The following CDK8 variants were observed in gnomAD, a reference collection of about 807,000 sequenced individuals.
CDK8 encodes cyclin-dependent kinase 8.
CDK8 carries 29 observed loss-of-function variants against 71.5 expected under a neutral mutation model. That is an observed-to-expected ratio of 0.41 (90% CI 0.30 to 0.55). The LOEUF (loss-of-function observed/expected upper bound fraction) is 0.55. CDK8 is among the 20% of genes least tolerant of loss of function. The pLI is 0.37. For synonymous variants in CDK8, 161 were observed against 192.1 expected, an observed-to-expected ratio of 0.84 and a Z score of 1.34; for missense variants, 288 against 572.6, an observed-to-expected ratio of 0.50 and a Z score of 5.07.
At chr13:26,259,600 G>T (rs1871682840) in intron 1 of CDK8, among the ~76,000 whole-genome samples, 1 of 152,130 alleles carries the variant, frequency 6.6e-6, no homozygotes, top group African/African-American at 2.4e-5. Context: ...TTATTTCCAT[G>T]TGGTTGAAGT....
chr13:26,402,264 A>C (rs116754064), intron 12 of CDK8, among the ~76,000 whole-genome samples: 5 of 152,334 alleles, frequency 3.3e-5, no homozygotes, highest in South Asian at 2.1e-4. Context: ...TGCAGGACTC[A>C]TATTTGATCT....
intron 1 of CDK8, among the ~76,000 whole-genome samples, chr13:26,286,927 A>G (rs971281680): frequency 1.3e-5 from 2 of 152,232 alleles, no homozygotes; most frequent in African/African-American, 2.4e-5. Flanking sequence ...TTATCAGGGA[A>G]ATGCAAATCA....
intron 1 of CDK8, among the ~76,000 whole-genome samples, chr13:26,270,260 G>C (rs1161472590): frequency 6.6e-6 from 1 of 151,808 alleles, no homozygotes; most frequent in Non-Finnish European, 1.5e-5. Context: ...GTGGTGGCAG[G>C]TGCCTGTAAT....
chr13:26,275,539 A>G (rs991214906), intron 1 of CDK8, among the ~76,000 whole-genome samples: 3 of 152,150 alleles, frequency 2.0e-5, no homozygotes, highest in Non-Finnish European at 4.4e-5. Flanking sequence ...TTTGTGACAT[A>G]TGAAAATTTT....
chr13:26,363,607 C>A (rs1038287637), intron 4 of CDK8, among the ~76,000 whole-genome samples: 12 of 152,062 alleles, frequency 7.9e-5, no homozygotes, highest in Non-Finnish European at 1.3e-4. Context: ...TGGGCTCAAG[C>A]AGTTCTTCTG....
At chr13:26,355,400 G>C (rs1714697706) in intron 4 of CDK8, among the ~76,000 whole-genome samples, 1 of 152,172 alleles carries the variant, frequency 6.6e-6, no homozygotes, top group Admixed American at 6.5e-5. Flanking sequence ...TGGATCACGA[G>C]GTCAGGAGTT....
chr13:26,311,183 A>T lies in CDK8; in HGVS notation c.129-26384A>T, dbSNP rs544213131. Among the ~76,000 whole-genome samples the T allele has an allele frequency of 5.3e-5, 8 of 152,198 alleles. No homozygotes were observed. The East Asian group carries it at 1.5e-3, about 29-fold the overall frequency. On this transcript the variant is annotated intron_variant, in intron 1 of 12. Coordinates refer to ENST00000381527, the MANE Select transcript of CDK8 (RefSeq NM_001260.3). ...ACTCACTGTATATTTTACTGAAAAA[A>T]AATGGGGCCACCTAGCAGTGATTTT...
chr13:26,379,828 A>T (rs866252004), intron 4 of CDK8, among the ~76,000 whole-genome samples: 14 of 152,110 alleles, frequency 9.2e-5, no homozygotes, highest in African/African-American at 3.4e-4. Context: ...TAAAGGAGGG[A>T]TGGGTGGTAA....
chr13:26,330,465 C>A (rs546054554), intron 1 of CDK8, among the ~76,000 whole-genome samples: 75 of 152,248 alleles, frequency 4.9e-4, no homozygotes, highest in African/African-American at 1.7e-3. Flanking sequence ...TTTCCCTCCC[C>A]AAGTGCTGGG....
chr13:26,399,090 A>G (rs1565999966), intron 9 of CDK8, among the ~76,000 whole-genome samples: 1 of 149,788 alleles, frequency 6.7e-6, no homozygotes, highest in Non-Finnish European at 1.5e-5. Flanking sequence ...GCTCACTGCA[A>G]CCTCTGCCTC....
intron 1 of CDK8, among the ~76,000 whole-genome samples, chr13:26,294,319 C>T (rs793113): frequency 0.83 from 126,268 of 152,120 alleles, 54,059 homozygotes; most frequent in East Asian, 0.99. Flanking sequence ...TTTCTTTATC[C>T]GTTCATCTGT....
At chr13:26,275,244 A>G (rs1490443302) in intron 1 of CDK8, among the ~76,000 whole-genome samples, 3 of 152,206 alleles carry the variant, frequency 2.0e-5, no homozygotes, top group South Asian at 4.1e-4. Context: ...TGAAAAATAA[A>G]TTACAGTTTT....
chr13:26,393,102 A>G (rs1045752494), intron 6 of CDK8, among the ~76,000 whole-genome samples: 3 of 152,140 alleles, frequency 2.0e-5, no homozygotes, highest in East Asian at 1.9e-4. Context: ...TTAGAGTGAA[A>G]CCATTTGGGT....
At chr13:26,270,808 C>G (rs928463648) in intron 1 of CDK8, among the ~76,000 whole-genome samples, 4 of 152,178 alleles carry the variant, frequency 2.6e-5, no homozygotes, top group African/African-American at 7.2e-5. Flanking sequence ...ATACAACTAT[C>G]TGAGTCTCTG....
chr13:26,404,617 GT>G lies in CDK8; in HGVS notation c.*540del, dbSNP rs1876426621. 8.7e-6 allele frequency: 2 copies of G among 231,098 alleles called. No homozygotes were observed. Among genetic ancestry groups the G allele is most frequent in the Middle Eastern group, 1.3e-3 (1 of 796 alleles). 14.3% of individuals were successfully genotyped at this position (231,098 alleles called of 1,614,324 possible). On this transcript the variant is annotated 3_prime_UTR_variant, in exon 13 of 13. Coordinates refer to ENST00000381527, the MANE Select transcript of CDK8 (RefSeq NM_001260.3). ...TGATTCATTTTCTACATTAATCAGT[GT>G]TTTCTGACCAAGAATATTGCTTGGA...
chr13:26,353,017 T>C (rs1873746679), intron 3 of CDK8, among the ~76,000 whole-genome samples: 1 of 152,246 alleles, frequency 6.6e-6, no homozygotes, highest in Non-Finnish European at 1.5e-5. Flanking sequence ...AGCCGAGTTA[T>C]AGATTTTCCT....
At chr13:26,354,511 C>T (rs574140042) in intron 4 of CDK8, among the ~76,000 whole-genome samples, 31 of 152,286 alleles carry the variant, frequency 2.0e-4, no homozygotes, top group Non-Finnish European at 4.4e-4. Context: ...ACAGACCAGT[C>T]CATGGCTCAT....
At position 26,254,584 on chromosome 13, in the gene CDK8, T is replaced by TC; in HGVS notation, c.-54dup. On this transcript the variant is annotated 5_prime_UTR_variant, in exon 1 of 13. Transcript: ENST00000381527. This position sits in a 1 kb window ranked among gnomAD's most constrained non-coding sequence, Gnocchi z 6.7. ...GCTGCGGCTGCCCGTGCTTCCCCGG[T>TC]CCCCACCCCTGCCCCCCGGCCCCCC... 107 of 1,291,116 alleles carry TC rather than the reference T, an allele frequency of 8.3e-5. No individual in the cohort carries two copies. The highest frequency in any genetic ancestry group is 1.3e-4 in the Admixed American group (6 of 47,316). The allele number at this position is 1,291,116 out of a possible 1,614,324, so 80.0% of individuals were successfully genotyped here. A position where few individuals can be genotyped will look rare whatever the true frequency, so the allele number is the denominator to read the frequency against.
intron 4 of CDK8, among the ~76,000 whole-genome samples, chr13:26,360,847 T>C (rs1487553348): frequency 6.6e-6 from 1 of 152,228 alleles, no homozygotes; most frequent in Admixed American, 6.5e-5. Flanking sequence ...TACTATGATT[T>C]ACTGCAGTGA....
Sources: gnomAD v4.1 joint callset for allele counts (sites outside exome capture counted in the v4.1 genomes callset) on GRCh38, gnomAD v4.1.1 for gene constraint, Gnocchi (gnomAD v3.1) non-coding constraint, MANE v1.5 for transcripts, NCBI Gene and HGNC (gene_info 2026-07-23, HGNC 2026-07-21) for gene names.